The following AP2A1 variants were observed in gnomAD, a reference collection of about 807,000 sequenced individuals.
AP2A1 encodes the protein adaptor related protein complex 2 subunit alpha 1, also known as AP-2 complex subunit alpha-1.
AP2A1 carries 21 observed loss-of-function variants against 107.3 expected under a neutral mutation model. The ratio of observed to expected loss-of-function variants is 0.20; its 90% CI spans 0.14 to 0.28. The LOEUF (loss-of-function observed/expected upper bound fraction) is 0.28. Among genes scored for constraint, AP2A1 ranks in the 10% least tolerant of loss-of-function variants. AP2A1 has a pLI of 1.00. For missense variants in AP2A1, 873 were observed against 1,307.7 expected, an observed-to-expected ratio of 0.67 and a Z score of 5.13; for synonymous variants, 602 against 564.8, an observed-to-expected ratio of 1.07 and a Z score of -0.93.
Position 49,806,776 on chromosome 19 carries a change from G to C in AP2A1, c.*18G>C, listed in dbSNP as rs776828520. 8 of 1,613,386 alleles carry C rather than the reference G, an allele frequency of 5.0e-6. No homozygotes were observed. In the African/African-American group the frequency reaches 6.7e-5, roughly 13 times the overall value. ...AGTTCTGAGCCCTGGACTCTGCCCC[G>C]GGGGATGTGGCCGGCACTGGGCAGC... is the stretch of plus-strand genomic sequence containing the variant. On this transcript the variant is annotated 3_prime_UTR_variant, in exon 23 of 23. Transcript: ENST00000354293.
chr19:49,768,406 C>T (rs1421094590), intron 1 of AP2A1, among the ~76,000 whole-genome samples: 1 of 152,096 alleles, frequency 6.6e-6, no homozygotes, highest in Non-Finnish European at 1.5e-5. Flanking sequence ...TGAGGGACTT[C>T]ACCTCTCGGT....
At chr19:49,773,719 A>T (rs1197527831) in intron 1 of AP2A1, among the ~76,000 whole-genome samples, 4 of 152,168 alleles carry the variant, frequency 2.6e-5, no homozygotes, top group Admixed American at 1.3e-4. Flanking sequence ...GGATGGAGTT[A>T]AGGATGATGC....
In AP2A1 at chr19:49,793,026, T is replaced by C. The variant is rs1024963940; in HGVS notation, c.639T>C (p.Cys213=). Residue 213 remains cysteine (C), a synonymous_variant, in exon 6 of 23, where the codon TGT becomes TGC. Transcript: ENST00000354293. The stretch of plus-strand genomic sequence containing the variant: ...CGGCCGCCGTCAGCCTCATCACCTG[T>C]CTCTGCAAGAAGAACCCAGATGACT... ...VVTAAVSLIT[C]LCKKNPDDFK... 7 of 1,610,174 alleles carry C rather than the reference T, an allele frequency of 4.3e-6. No homozygotes were observed. The highest frequency in any genetic ancestry group is 5.9e-6 in the Non-Finnish European group (7 of 1,178,370).
At chr19:49,800,840 C>G in intron 11 of AP2A1, 121 bp from the exon 12 acceptor site, 3 of 780,868 alleles carry the variant, frequency 3.8e-6, no homozygotes, top group Non-Finnish European at 6.1e-6. Flanking sequence ...CAGTTTCCCA[C>G]CTATAACCCC....
intron 5 of AP2A1, among the ~76,000 whole-genome samples, chr19:49,792,627 CTG>C (rs958019668): frequency 1.1e-4 from 17 of 152,074 alleles, no homozygotes; most frequent in African/African-American, 4.1e-4. Flanking sequence ...AAATCCCACT[CTG>C]TTTCTAATAC....
chr19:49,797,222 C>G (rs2073224380), intron 7 of AP2A1: 1 of 152,130 alleles, frequency 6.6e-6, no homozygotes, highest in Non-Finnish European at 1.5e-5. Flanking sequence ...TGTGTCACCT[C>G]CTTTTCAGCA....
At chr19:49,775,654 C>T (rs2084610297) in intron 1 of AP2A1, among the ~76,000 whole-genome samples, 1 of 152,142 alleles carries the variant, frequency 6.6e-6, no homozygotes, top group African/African-American at 2.4e-5. Context: ...CTGCCTGTCT[C>T]AGCCTCCCAA....
chr19:49,792,943 G>C, intron 5 of AP2A1, 48 bp from the exon 6 acceptor site: 3 of 1,505,186 alleles, frequency 2.0e-6, no homozygotes, highest in Non-Finnish European at 2.7e-6. Flanking sequence ...CTGCTCTCAG[G>C]TACCACCTCC....
intron 8 of AP2A1, 61 bp downstream of exon 8, chr19:49,799,013 C>T (rs1478731354): frequency 1.8e-5 from 28 of 1,543,868 alleles, no homozygotes; most frequent in Non-Finnish European, 2.4e-5. Flanking sequence ...GCATGGAGGC[C>T]CGGACTCCTG....
intron 4 of AP2A1, among the ~76,000 whole-genome samples, chr19:49,783,725 G>A (rs1345333018): frequency 2.0e-5 from 3 of 152,198 alleles, no homozygotes; most frequent in East Asian, 1.9e-4. Flanking sequence ...CCCGAGTATC[G>A]GTTTTGGGGC....
chr19:49,792,071 C>T lies in AP2A1; in HGVS notation c.603+7C>T, dbSNP rs1320382128. The T allele has an allele frequency of 3.1e-6, 5 of 1,610,908 alleles. No homozygotes were observed. The highest frequency in any genetic ancestry group is 4.2e-6 in the Non-Finnish European group (5 of 1,179,276). ...GCTCAATGACCAGCACATGGTGAGC[C>T]CCCAGCCCTCACACCCCCGGATACC... On this transcript the variant is annotated splice_region_variant and intron_variant, in intron 5 of 22. Transcript: ENST00000354293.
At chr19:49,783,620 A>G (rs1334219012) in intron 4 of AP2A1, among the ~76,000 whole-genome samples, 1 of 152,220 alleles carries the variant, frequency 6.6e-6, no homozygotes, top group Non-Finnish European at 1.5e-5. Flanking sequence ...TGAGGAGCAC[A>G]CAGGCCACAA....
At position 49,801,065 on chromosome 19, in the gene AP2A1, G is replaced by T. The variant is rs1485627084; in HGVS notation, c.1553+7G>T. 6.3e-7 allele frequency: 1 copy of T among 1,598,370 alleles called. No individual in the cohort carries two copies. Among genetic ancestry groups the T allele is most frequent in the Non-Finnish European group, 8.5e-7 (1 of 1,172,584 alleles). ...CTGGGGACCCCCGCTCCAGGTGAGG[G>T]AGCCTCAGCCTGCAGGGGAGAACAC... is the stretch of plus-strand genomic sequence containing the variant. On this transcript the variant is annotated splice_region_variant and intron_variant, in intron 12 of 22. Transcript: ENST00000354293.
At position 49,807,048 on chromosome 19, in the gene AP2A1, C is replaced by T. The variant is rs2073418746; in HGVS notation, c.*290C>T. 1 of 1,551,152 alleles carries T rather than the reference C, an allele frequency of 6.4e-7. No individual in the cohort carries two copies. The highest frequency in any genetic ancestry group is 2.4e-5 in the East Asian group (1 of 42,050). ...CCTCCCACCCCACCCTGTTGTAGCC[C>T]CTCCTACCCCCTCCCCATCCAGGGG... On this transcript the variant is annotated 3_prime_UTR_variant, in exon 23 of 23. Transcript: ENST00000354293.
intron 15 of AP2A1, 83 bp from the exon 16 acceptor site, chr19:49,802,866 G>A: frequency 6.8e-7 from 1 of 1,470,344 alleles, no homozygotes; most frequent in African/African-American, 1.4e-5. Flanking sequence ...TGTCCTTAGG[G>A]CTTGTTCTCG....
intron 22 of AP2A1, chr19:49,806,466 T>C (rs1381603291): frequency 4.2e-6 from 6 of 1,438,346 alleles, no homozygotes; most frequent in African/African-American, 2.9e-5. Context: ...CCCTCCCTGA[T>C]TTCTACCTTT....
chr19:49,792,718 C>T (rs531165171), intron 5 of AP2A1, among the ~76,000 whole-genome samples: 3 of 152,156 alleles, frequency 2.0e-5, no homozygotes, highest in Non-Finnish European at 4.4e-5. Context: ...CAGTCCCAAC[C>T]CTCTAGAGTC....
At chr19:49,805,366 G>T in intron 18 of AP2A1, 87 bp from the exon 19 acceptor site, 1 of 1,406,910 alleles carries the variant, frequency 7.1e-7, no homozygotes, top group South Asian at 1.4e-5. Flanking sequence ...CCTGCAGGCG[G>T]GAGCTGCCGG....
At chr19:49,801,117 G>GGGGGACCCCT in intron 12 of AP2A1, 59 bp downstream of exon 12, 1 of 1,480,706 alleles carries the variant, frequency 6.8e-7, no homozygotes, top group Non-Finnish European at 9.1e-7. Flanking sequence ...TCCAGGGCTT[G>GGGGGACCCCT]GGGGATCCCC....
Sources: gnomAD v4.1 joint callset for allele counts (sites outside exome capture counted in the v4.1 genomes callset) on GRCh38, gnomAD v4.1.1 for gene constraint, MANE v1.5 for transcripts, NCBI Gene and HGNC (gene_info 2026-07-23, HGNC 2026-07-21) for gene names.